Variants in TNKS observed in about 807,000 individuals in gnomAD.
TNKS encodes the protein poly [ADP-ribose] polymerase tankyrase-1.
Under a neutral mutation model 135.8 loss-of-function variants are expected in TNKS, and 72 were observed. That is an observed-to-expected ratio of 0.53 (90% CI 0.44 to 0.64). The LOEUF is 0.64. TNKS is among the 30% of genes least tolerant of loss of function. The pLI is 0.00. For missense variants in TNKS, 1,769 were observed against 1,674.0 expected, an observed-to-expected ratio of 1.06 and a Z score of -0.99; for synonymous variants, 849 against 649.3, an observed-to-expected ratio of 1.31 and a Z score of -4.68.
intron 12 of TNKS, among the ~76,000 whole-genome samples, chr8:9,722,737 T>G (rs1021584133): frequency 3.3e-5 from 5 of 152,164 alleles, no homozygotes; most frequent in African/African-American, 1.2e-4. Flanking sequence ...TGAGAATCAT[T>G]TAGTACCGAA....
At chr8:9,626,616 C>T (rs12674762) in intron 3 of TNKS, among the ~76,000 whole-genome samples, 107,426 of 151,932 alleles carry the variant, frequency 0.71, 38,336 homozygotes, top group Middle Eastern at 0.8. Flanking sequence ...CTGGATCTTA[C>T]GTGAATTTGT....
At chr8:9,623,688 T>C (rs763401307) in intron 3 of TNKS, among the ~76,000 whole-genome samples, 45 of 152,142 alleles carry the variant, frequency 3.0e-4, no homozygotes, top group Non-Finnish European at 4.3e-4. Flanking sequence ...ATGTTGTTTA[T>C]GGAGTGGGAG....
At chr8:9,662,740 T>G (rs1449708258) in intron 3 of TNKS, among the ~76,000 whole-genome samples, 3 of 152,108 alleles carry the variant, frequency 2.0e-5, no homozygotes, top group Non-Finnish European at 4.4e-5. Context: ...AAACCTAAAG[T>G]ATAATAATAA....
chr8:9,568,060 AG>A (rs1797615973), intron 1 of TNKS, among the ~76,000 whole-genome samples: 1 of 152,328 alleles, frequency 6.6e-6, no homozygotes, highest in Non-Finnish European at 1.5e-5. Context: ...GAATCTCTGC[AG>A]TTATGTTGAG....
chr8:9,672,008 C>G (rs1030684346), intron 3 of TNKS, among the ~76,000 whole-genome samples: 1 of 152,230 alleles, frequency 6.6e-6, no homozygotes, highest in Non-Finnish European at 1.5e-5. Flanking sequence ...TGTCTACACT[C>G]TCTGCCCGTT....
intron 13 of TNKS, 36 bp from the exon 14 acceptor site, chr8:9,730,854 C>G: frequency 6.3e-7 from 1 of 1,586,812 alleles, no homozygotes; most frequent in East Asian, 2.3e-5. Flanking sequence ...GAGTAATGTT[C>G]GTTTTGTGTT....
At chr8:9,736,106 T>A (rs1354995931) in intron 17 of TNKS, among the ~76,000 whole-genome samples, 1 of 149,562 alleles carries the variant, frequency 6.7e-6, no homozygotes, top group Admixed American at 6.7e-5. Flanking sequence ...TGTAAAATAA[T>A]ATAATAAATA....
In TNKS at chr8:9,780,900, A is replaced by T. The variant is rs1375061053; in HGVS notation, c.*4164A>T. On this transcript the variant is annotated 3_prime_UTR_variant, in exon 27 of 27. Transcript: ENST00000310430. ...CAGCTACCAGATTTCTGGTTTGGAG[A>T]AGTGCTGGAAAGATTTCAAAGCCTA... is the stretch of plus-strand genomic sequence containing the variant. 1 of 152,176 alleles carries T rather than the reference A, an allele frequency of 6.6e-6. No individual in the cohort carries two copies. Among genetic ancestry groups the T allele is most frequent in the Non-Finnish European group, 1.5e-5 (1 of 68,034 alleles). 9.4% of individuals were successfully genotyped at this position (152,176 alleles called of 1,614,324 possible).
At chr8:9,561,660 A>T (rs1469716757) in intron 1 of TNKS, among the ~76,000 whole-genome samples, 1 of 152,186 alleles carries the variant, frequency 6.6e-6, no homozygotes, top group African/African-American at 2.4e-5. Context: ...CGCAATGAAC[A>T]TTCTTATAAA....
At chr8:9,657,292 C>T (rs1366977464) in intron 3 of TNKS, among the ~76,000 whole-genome samples, 6 of 75,896 alleles carry the variant, frequency 7.9e-5, no homozygotes, top group African/African-American at 1.4e-4. Flanking sequence ...GCTGGCCGGG[C>T]GGGGGGCCGA....
intron 5 of TNKS, among the ~76,000 whole-genome samples, chr8:9,698,512 C>A (rs1193241059): frequency 6.6e-6 from 1 of 151,344 alleles, no homozygotes; most frequent in East Asian, 1.9e-4. Flanking sequence ...ATCTGTAAAA[C>A]ATTCCTGTGT....
rs745672981 is a variant in TNKS at position 9,556,491 on chromosome 8, G to A, written c.552G>A (p.Arg184=). 1 of 1,614,198 alleles carries A rather than the reference G, an allele frequency of 6.2e-7. No homozygotes were observed. Among genetic ancestry groups the A allele is most frequent in the Non-Finnish European group, 8.5e-7 (1 of 1,180,044 alleles). The change falls in exon 1 of 27, where the codon CGG becomes CGA. Residue 184 remains arginine (R), a synonymous_variant. Transcript: ENST00000310430. The part of the protein sequence containing the change: ...TGVPAVSGAL[R]ELLEACRNGD... ...TCCCAGCAGTGAGCGGGGCCCTACG[G>A]GAACTGCTGGAGGCCTGTCGCAATG... is the stretch of plus-strand genomic sequence containing the variant.
At chr8:9,745,072 C>G (rs551970074) in intron 17 of TNKS, among the ~76,000 whole-genome samples, 1 of 152,098 alleles carries the variant, frequency 6.6e-6, no homozygotes, top group African/African-American at 2.4e-5. Flanking sequence ...ATCAGAAACA[C>G]AGTTTAAGTA....
At chr8:9,617,755 A>C (rs1401188886) in intron 3 of TNKS, among the ~76,000 whole-genome samples, 1 of 152,220 alleles carries the variant, frequency 6.6e-6, no homozygotes, top group Admixed American at 6.5e-5. Context: ...CATTCTGAGT[A>C]ATATGTCATT....
At chr8:9,628,304 TG>T (rs1314491717) in intron 3 of TNKS, among the ~76,000 whole-genome samples, 1 of 152,224 alleles carries the variant, frequency 6.6e-6, no homozygotes, top group African/African-American at 2.4e-5. Context: ...TAAACTCACC[TG>T]GTACTGTTTT....
At chr8:9,766,483 CTTT>C (rs61212620) in intron 25 of TNKS, 58 bp downstream of exon 25, 15,429 of 876,780 alleles carry the variant, frequency 0.018, no homozygotes, top group South Asian at 0.054. Context: ...ACCAAATTGT[CTTT>C]TTTTTTTTTT....
At chr8:9,648,557 T>G (rs764792453) in intron 3 of TNKS, among the ~76,000 whole-genome samples, 11 of 152,226 alleles carry the variant, frequency 7.2e-5, no homozygotes, top group Non-Finnish European at 1.5e-4. Flanking sequence ...TATTCATTTG[T>G]TATCATTTTC....
At chr8:9,600,699 T>G (rs1226704762) in intron 2 of TNKS, among the ~76,000 whole-genome samples, 1 of 152,176 alleles carries the variant, frequency 6.6e-6, no homozygotes, top group Non-Finnish European at 1.5e-5. Flanking sequence ...ATGAGACACA[T>G]AGTTCACTGG....
At chr8:9,685,559 A>G (rs1471582932) in intron 5 of TNKS, among the ~76,000 whole-genome samples, 1 of 152,142 alleles carries the variant, frequency 6.6e-6, no homozygotes, top group Non-Finnish European at 1.5e-5. Context: ...CTCCACTTAA[A>G]TGTCCTTATT....
Sources: gnomAD v4.1 joint callset for allele counts (sites outside exome capture counted in the v4.1 genomes callset) on GRCh38, gnomAD v4.1.1 for gene constraint, MANE v1.5 for transcripts, NCBI Gene and HGNC (gene_info 2026-07-23, HGNC 2026-07-21) for gene names.